Variants in ARRDC2 observed in about 807,000 individuals in gnomAD.
ARRDC2 encodes arrestin domain containing 2.
Under a neutral mutation model 38.9 loss-of-function variants are expected in ARRDC2, and 39 were observed. That is an observed-to-expected ratio of 1.00 (90% CI 0.78 to 1.31). The LOEUF (loss-of-function observed/expected upper bound fraction) is 1.31, where lower values mean the gene tolerates loss of function less well. ARRDC2 is among the 50% of genes most tolerant of loss of function. The probability of loss-of-function intolerance (pLI) is 0.00; values close to 1 mark genes in which losing one functional copy is unlikely to be tolerated. For synonymous variants in ARRDC2, 300 were observed against 261.9 expected, an observed-to-expected ratio of 1.15 and a Z score of -1.41; for missense variants, 553 against 588.4, an observed-to-expected ratio of 0.94 and a Z score of 0.62.
Position 18,013,058 on chromosome 19 carries a change from C to A in ARRDC2, c.*92C>A. On this transcript the variant is annotated 3_prime_UTR_variant, in exon 8 of 8. Coordinates refer to ENST00000222250, the MANE Select transcript of ARRDC2 (RefSeq NM_015683.2). ...TGGCTGGACCAAGGGCTGACCTCCCCGACTGCATCAAAGTTGGGGAACCAA... is the reference window on the plus strand; with the variant it reads ...TGGCTGGACCAAGGGCTGACCTCCCAGACTGCATCAAAGTTGGGGAACCAA... The A allele has an allele frequency of 2.2e-6, 3 of 1,367,518 alleles. No homozygotes were observed. Among genetic ancestry groups the A allele is most frequent in the East Asian group, 2.4e-5 (1 of 41,888 alleles). The allele number at this position is 1,367,518 out of a possible 1,614,324, so 84.7% of individuals were successfully genotyped here. A position where few individuals can be genotyped will look rare whatever the true frequency, so the allele number is the denominator to read the frequency against.
chr19:18,001,162 TG>T, exon 1 of ARRDC2: 3 of 852,538 alleles, frequency 3.5e-6, no homozygotes, highest in African/African-American at 1.8e-5. Flanking sequence ...GCGCCCGCCC[TG>T]GGCCACCGGC....
At chr19:18,010,839 G>GA in intron 7 of ARRDC2, 110 bp downstream of exon 7, 2 of 1,231,230 alleles carry the variant, frequency 1.6e-6, no homozygotes, top group Non-Finnish European at 2.2e-6. Flanking sequence ...TTTTTAGACA[G>GA]GGTCTTGCTC....
intron 6 of ARRDC2, 84 bp from the exon 7 acceptor site, chr19:18,010,460 AGGACATACAGCCTGGCAGCCCCAGAGCT>A (rs2146006933): frequency 6.4e-7 from 1 of 1,555,518 alleles, no homozygotes; most frequent in Non-Finnish European, 8.7e-7. Context: ...TCCCAACCAA[AGGACATACAGCCTGGCAGCCCCAGAGCT>A]GGCACAAGCC....
intron 7 of ARRDC2, among the ~76,000 whole-genome samples, chr19:18,011,315 A>G (rs1204531041): frequency 2.0e-5 from 3 of 151,978 alleles, no homozygotes; most frequent in South Asian, 4.2e-4. Context: ...TATTTTTTGT[A>G]GAAATGTGGT....
chr19:18,011,950 A>ATTTTTTTTTT (rs1239463997), intron 7 of ARRDC2, among the ~76,000 whole-genome samples: 1 of 56,624 alleles, frequency 1.8e-5, no homozygotes, highest in African/African-American at 6.2e-5. Flanking sequence ...ATATATATAT[A>ATTTTTTTTTT]TATTTTTTTT....
intron 7 of ARRDC2, among the ~76,000 whole-genome samples, chr19:18,011,156 C>G (rs531797612): frequency 1.3e-5 from 2 of 152,264 alleles, no homozygotes; most frequent in South Asian, 2.1e-4. Context: ...AGCCACCACA[C>G]GTGGCTAATT....
At chr19:18,006,604 C>T (rs1194354638), upstream of ARRDC2, among the ~76,000 whole-genome samples, 1 of 151,236 alleles carries the variant, frequency 6.6e-6, no homozygotes, top group Non-Finnish European at 1.5e-5. Flanking sequence ...GAGAGGGAGA[C>T]CGTGGAAAGA....
chr19:18,002,823 C>G (rs1343931985), intron 1 of ARRDC2, among the ~76,000 whole-genome samples: 1 of 152,174 alleles, frequency 6.6e-6, no homozygotes, highest in African/African-American at 2.4e-5. Flanking sequence ...GGAGAGGCAG[C>G]CGGGTGCGGT....
chr19:18,001,911 C>T (rs959255923), intron 1 of ARRDC2, among the ~76,000 whole-genome samples: 1 of 152,184 alleles, frequency 6.6e-6, no homozygotes, highest in Non-Finnish European at 1.5e-5. Flanking sequence ...GCACTCCAGC[C>T]TGGACACCCA....
upstream of ARRDC2, chr19:18,008,117 C>CCG: frequency 2.3e-5 from 10 of 440,226 alleles, no homozygotes; most frequent in Non-Finnish European, 3.2e-5. Context: ...GAGACGGTGA[C>CCG]CCCACCCCCC....
Position 18,009,774 on chromosome 19 carries a change from T to A in ARRDC2, c.593-9T>A. The A allele has an allele frequency of 6.2e-7, 1 of 1,613,106 alleles. No individual in the cohort carries two copies. Among genetic ancestry groups the A allele is most frequent in the Non-Finnish European group, 8.5e-7 (1 of 1,179,848 alleles). ...GGGGAAACTGAGGCCCCACTGCTCC[T>A]TGCTGCAGGAGAGGTCATCCCTGTC... On this transcript the variant is annotated splice_polypyrimidine_tract_variant and intron_variant, in intron 4 of 7. Transcript: ENST00000222250.
chr19:18,001,316 T>C (rs1302578540), exon 1 of ARRDC2: 4 of 1,191,240 alleles, frequency 3.4e-6, no homozygotes, highest in South Asian at 4.1e-5. Flanking sequence ...CCGCGCGCCA[T>C]GCGCTCTGGG....
chr19:18,008,227 A>C lies in ARRDC2; in HGVS notation c.-84A>C. ...GCGTTGACGGCGATTTTGCGTTCTGAGGCTGCAGCGTCGGCATCTTGAGCT... is the reference window on the plus strand; with the variant it reads ...GCGTTGACGGCGATTTTGCGTTCTGCGGCTGCAGCGTCGGCATCTTGAGCT... On this transcript the variant is annotated 5_prime_UTR_variant, in exon 1 of 8. Coordinates refer to ENST00000222250, the MANE Select transcript of ARRDC2 (RefSeq NM_015683.2). The C allele has an allele frequency of 6.8e-7, 1 of 1,465,356 alleles. No individual in the cohort carries two copies. The highest frequency in any genetic ancestry group is 9.0e-7 in the Non-Finnish European group (1 of 1,109,738). 90.8% of individuals were successfully genotyped at this position (1,465,356 alleles called of 1,614,324 possible).
upstream of ARRDC2, among the ~76,000 whole-genome samples, chr19:18,003,874 C>T (rs1223615843): frequency 2.6e-5 from 4 of 152,014 alleles, no homozygotes; most frequent in East Asian, 2.0e-4. Flanking sequence ...CTCCTGACCT[C>T]GTGATCTGCC....
rs1001351901 is a variant in ARRDC2 at position 18,013,408 on chromosome 19, C to T, written c.*442C>T. The T allele has an allele frequency of 3.1e-5, 5 of 159,944 alleles. No individual in the cohort carries two copies. Among genetic ancestry groups the T allele is most frequent in the African/African-American group, 7.2e-5 (3 of 41,554 alleles). 9.9% of individuals were successfully genotyped at this position (159,944 alleles called of 1,614,324 possible). A position where few individuals can be genotyped will look rare whatever the true frequency, so the allele number is the denominator to read the frequency against. On this transcript the variant is annotated 3_prime_UTR_variant, in exon 8 of 8. Coordinates refer to ENST00000222250, the MANE Select transcript of ARRDC2 (RefSeq NM_015683.2). ...GCATTTTAGCTGAGGCTTTGGAGTA[C>T]GAATAGGAGCTCAGCAGGCAGACGA...
intron 7 of ARRDC2, among the ~76,000 whole-genome samples, chr19:18,011,932 G>A (rs1047159191): frequency 3.7e-5 from 2 of 54,466 alleles, no homozygotes; most frequent in Non-Finnish European, 7.2e-5. Context: ...GTGTGTATAT[G>A]TGTATATATA....
chr19:18,001,522 G>A, exon 1 of ARRDC2: 2 of 1,389,888 alleles, frequency 1.4e-6, no homozygotes, highest in Non-Finnish European at 1.9e-6. Flanking sequence ...CGTATCCAGC[G>A]ACTACGCGGC....
rs1350790117 is a variant in ARRDC2 at position 18,010,016 on chromosome 19, C to T, written c.826C>T (p.Leu276=). The T allele has an allele frequency of 1.2e-6, 2 of 1,602,446 alleles. No individual in the cohort carries two copies. The highest frequency in any genetic ancestry group is 1.3e-5 in the African/African-American group (1 of 74,906). ...TCCTTCCATCCTGCACTGCCGCGTT[C>T]TACACGTGGACTACGCACTCAAGGT... ...VGPSILHCRV[L]HVDYALKVCV... The change falls in exon 5 of 8, where the codon CTA becomes TTA. Residue 276 remains leucine (L), a synonymous_variant. Transcript: ENST00000222250.
chr19:18,010,526 A>T (rs2033390630), intron 6 of ARRDC2, 46 bp from the exon 7 acceptor site: 1 of 1,603,358 alleles, frequency 6.2e-7, no homozygotes. Context: ...CCCTTGGAGC[A>T]GGGCTCTCTC....
Sources: allele counts gnomAD v4.1 joint callset (sites outside exome capture counted in the v4.1 genomes callset), GRCh38; gene constraint gnomAD v4.1.1; transcripts MANE v1.5; gene names NCBI Gene and HGNC (gene_info 2026-07-23, HGNC 2026-07-21).